Variants in CAMK1D observed in about 807,000 individuals in gnomAD.
The protein encoded by CAMK1D is calcium/calmodulin-dependent protein kinase type 1D.
CAMK1D carries 9 observed loss-of-function variants against 47.7 expected under a neutral mutation model. That is an observed-to-expected ratio of 0.19 (90% CI 0.11 to 0.33). The LOEUF (loss-of-function observed/expected upper bound fraction) is 0.33. Among genes scored for constraint, CAMK1D ranks in the 10% least tolerant of loss-of-function variants. The pLI is 1.00. For synonymous variants in CAMK1D, 184 were observed against 184.9 expected (o/e 0.99, Z 0.04); for missense variants, 291 against 488.7 (o/e 0.60, Z 3.81).
chr10:12,686,173 A>G (rs1192708023), intron 3 of CAMK1D, among the ~76,000 whole-genome samples: 1 of 152,190 alleles, frequency 6.6e-6, no homozygotes, highest in African/African-American at 2.4e-5. Flanking sequence ...TCACACATTG[A>G]CAGTCCCATC....
At chr10:12,651,519 G>A (rs1395433177) in intron 2 of CAMK1D, among the ~76,000 whole-genome samples, 5 of 152,034 alleles carry the variant, frequency 3.3e-5, no homozygotes, top group African/African-American at 1.2e-4. Flanking sequence ...AGCCTCCTGG[G>A]TAGCTGGGAC....
chr10:12,448,093 A>G (rs547284709), intron 1 of CAMK1D, among the ~76,000 whole-genome samples: 1 of 152,288 alleles, frequency 6.6e-6, no homozygotes, highest in South Asian at 2.1e-4. Context: ...ACCTTAAGTG[A>G]TCCTCCTGCC....
chr10:12,624,677 A>G (rs1588703734), intron 2 of CAMK1D, among the ~76,000 whole-genome samples: 2 of 151,730 alleles, frequency 1.3e-5, no homozygotes, highest in Admixed American at 1.3e-4. Flanking sequence ...GCTACTGTGA[A>G]CCTCCTTCCT....
intron 6 of CAMK1D, among the ~76,000 whole-genome samples, chr10:12,804,904 C>T (rs1838650120): frequency 7.6e-6 from 1 of 132,002 alleles, no homozygotes; most frequent in Non-Finnish European, 1.5e-5. Context: ...TGCCACTGCA[C>T]TCCAACCTGG....
At chr10:12,423,890 C>T (rs1840139297) in intron 1 of CAMK1D, among the ~76,000 whole-genome samples, 1 of 152,194 alleles carries the variant, frequency 6.6e-6, no homozygotes, top group Non-Finnish European at 1.5e-5. Context: ...GCTTGAGCCT[C>T]AGTGATTGAG....
intron 2 of CAMK1D, among the ~76,000 whole-genome samples, chr10:12,579,888 A>T (rs975283500): frequency 3.3e-5 from 5 of 151,966 alleles, no homozygotes; most frequent in African/African-American, 1.2e-4. Context: ...AGATTCACGG[A>T]GTGGCTTTGA....
At chr10:12,713,090 G>A (rs767730512) in intron 3 of CAMK1D, among the ~76,000 whole-genome samples, 1 of 151,326 alleles carries the variant, frequency 6.6e-6, no homozygotes, top group Non-Finnish European at 1.5e-5. Context: ...TTTTTTTTGG[G>A]ATGGAGTTTT....
intron 1 of CAMK1D, among the ~76,000 whole-genome samples, chr10:12,484,292 C>A (rs531092097): frequency 1.3e-5 from 2 of 152,328 alleles, no homozygotes; most frequent in South Asian, 4.1e-4. Context: ...CACCAAGTCG[C>A]CATCTCTCTT....
chr10:12,745,775 G>C (rs553019695), intron 3 of CAMK1D, among the ~76,000 whole-genome samples: 47 of 151,616 alleles, frequency 3.1e-4, no homozygotes, highest in Non-Finnish European at 5.2e-4. Flanking sequence ...GCTAATTTTT[G>C]GTATTTTTAG....
intron 2 of CAMK1D, among the ~76,000 whole-genome samples, chr10:12,645,796 T>C (rs1839795610): frequency 6.6e-6 from 1 of 152,196 alleles, no homozygotes. Context: ...CCACGCCATC[T>C]GAGTATTTAA....
chr10:12,528,358 G>A (rs1418433712), intron 1 of CAMK1D, among the ~76,000 whole-genome samples: 1 of 152,230 alleles, frequency 6.6e-6, no homozygotes, highest in Admixed American at 6.5e-5. Flanking sequence ...TGCCTGGTTA[G>A]TGCCTCACAT....
chr10:12,597,511 G>A (rs1160465033), intron 2 of CAMK1D, among the ~76,000 whole-genome samples: 1 of 152,116 alleles, frequency 6.6e-6, no homozygotes, highest in East Asian at 1.9e-4. Context: ...CCTCATGGTA[G>A]GGGCTCTGGG....
At chr10:12,801,542 C>T (rs1436389444) in intron 6 of CAMK1D, among the ~76,000 whole-genome samples, 1 of 151,844 alleles carries the variant, frequency 6.6e-6, no homozygotes, top group African/African-American at 2.4e-5. Flanking sequence ...TTCATCCTTC[C>T]ATCCACCCAT....
intron 1 of CAMK1D, among the ~76,000 whole-genome samples, chr10:12,434,743 G>A (rs567867892): frequency 2.6e-5 from 4 of 152,292 alleles, no homozygotes; most frequent in East Asian, 1.9e-4. Context: ...GATGTTCACC[G>A]GGTAATGCTT....
intron 8 of CAMK1D, among the ~76,000 whole-genome samples, chr10:12,817,403 C>T (rs1377888648): frequency 1.3e-5 from 2 of 152,102 alleles, no homozygotes; most frequent in East Asian, 1.9e-4. Flanking sequence ...TTCTTCAACT[C>T]GAGAGGGACT....
chr10:12,738,132 A>G (rs955185206), intron 3 of CAMK1D, among the ~76,000 whole-genome samples: 2 of 152,250 alleles, frequency 1.3e-5, no homozygotes, highest in Non-Finnish European at 2.9e-5. Flanking sequence ...TCTGTAGGTG[A>G]CAATGTGTGG....
chr10:12,486,531 G>GCGCA (rs1554776401), intron 1 of CAMK1D, among the ~76,000 whole-genome samples: 1 of 146,984 alleles, frequency 6.8e-6, no homozygotes, highest in Non-Finnish European at 1.5e-5. Flanking sequence ...GTGTGCGCGT[G>GCGCA]CACACACACA....
At chr10:12,519,853 CT>C (rs1188193660) in intron 1 of CAMK1D, among the ~76,000 whole-genome samples, 2 of 24,210 alleles carry the variant, frequency 8.3e-5, no homozygotes, top group African/African-American at 1.6e-4. Context: ...CTGACCCCCC[CT>C]CCCCCCTCCC....
At chr10:12,402,078 A>AT (rs1313873121) in intron 1 of CAMK1D, among the ~76,000 whole-genome samples, 4 of 149,052 alleles carry the variant, frequency 2.7e-5, no homozygotes, top group African/African-American at 9.9e-5. Context: ...GTATATATAT[A>AT]TATTTTTTTG....
Sources: allele counts gnomAD v4.1 joint callset (sites outside exome capture counted in the v4.1 genomes callset), GRCh38; gene constraint gnomAD v4.1.1; transcripts MANE v1.5; gene names NCBI Gene and HGNC (gene_info 2026-07-23, HGNC 2026-07-21).